Variants in PCDHA1 observed in about 807,000 individuals in gnomAD.
PCDHA1 encodes the protein protocadherin alpha-1.
Under a neutral mutation model 61.3 loss-of-function variants are expected in PCDHA1, and 42 were observed. That is an observed-to-expected ratio of 0.69 (90% CI 0.54 to 0.89). PCDHA1 has a LOEUF of 0.89. PCDHA1 is among the 40% of genes least tolerant of loss of function. The pLI is 0.00. For missense variants in PCDHA1, 1,256 were observed against 1,235.3 expected (o/e 1.02, Z -0.25); for synonymous variants, 610 against 553.8 (o/e 1.10, Z -1.43).
chr5:140,929,022 C>T (rs17844367), intron 1 of PCDHA1: 4 of 1,614,172 alleles, frequency 2.5e-6, no homozygotes, highest in Admixed American at 3.3e-5. Context: ...TGCACCAGAG[C>T]CCAGGCTGTT....
At chr5:141,003,938 G>A (rs1195315346) in intron 3 of PCDHA1, among the ~76,000 whole-genome samples, 1 of 152,178 alleles carries the variant, frequency 6.6e-6, no homozygotes, top group Non-Finnish European at 1.5e-5. Flanking sequence ...GTCTTTGCCT[G>A]AGGGTGAGCT....
At chr5:140,803,037 G>A (rs782532560) in intron 1 of PCDHA1, 2 of 1,614,034 alleles carry the variant, frequency 1.2e-6, no homozygotes, top group East Asian at 4.5e-5. Flanking sequence ...GCTGCAGCCT[G>A]GGACCGGCGG....
At chr5:140,966,955 C>T in intron 1 of PCDHA1, 1 of 1,602,734 alleles carries the variant, frequency 6.2e-7, no homozygotes, top group East Asian at 2.2e-5. Context: ...ACGTGGCTCG[C>T]GCGCTGGGGC....
intron 1 of PCDHA1, among the ~76,000 whole-genome samples, chr5:140,925,953 C>T (rs1438087673): frequency 1.3e-5 from 2 of 152,090 alleles, no homozygotes; most frequent in Non-Finnish European, 2.9e-5. Context: ...GAAGGAGAAA[C>T]TGCTATCACG....
At chr5:140,859,421 T>A in intron 1 of PCDHA1, 1 of 232,516 alleles carries the variant, frequency 4.3e-6, no homozygotes, top group Non-Finnish European at 8.1e-6. Flanking sequence ...TGATATAGAC[T>A]CAGAAATGAA....
chr5:140,818,677 A>G lies in PCDHA1; in HGVS notation c.2394+29993A>G, dbSNP rs2150102036. 2.6e-5 allele frequency among the ~76,000 whole-genome samples: 4 copies of G among 152,324 alleles called. No homozygotes were observed. In the East Asian group the frequency reaches 7.7e-4, roughly 29 times the overall value. On this transcript the variant is annotated intron_variant, in intron 1 of 3. Transcript: ENST00000504120. ...TATAGGGAGACTCCATCTTTACAAA[A>G]AATGAAAAAAATTAGCTAGATGTGG...
chr5:140,926,813 T>C, intron 1 of PCDHA1: 1 of 1,463,920 alleles, frequency 6.8e-7, no homozygotes, highest in East Asian at 2.5e-5. Flanking sequence ...CCGCGGCTCG[T>C]GCTCTCCAGG....
rs782417854 is a variant in PCDHA1 at position 140,967,777 on chromosome 5, G to T, written c.2395-11172G>T. On this transcript the variant is annotated intron_variant, in intron 1 of 3. Transcript: ENST00000504120. The stretch of plus-strand genomic sequence containing the variant: ...CCTCCTACCAGATCTATGTGCAGGC[G>T]ACTGACCGGGGTCCAGTGCCCATGG... 2.5e-6 allele frequency: 4 copies of T among 1,614,186 alleles called. No individual in the cohort carries two copies. The South Asian group carries it at 4.4e-5, about 18-fold the overall frequency.
At chr5:140,846,834 G>C (rs1780700950) in intron 1 of PCDHA1, among the ~76,000 whole-genome samples, 1 of 149,596 alleles carries the variant, frequency 6.7e-6, no homozygotes, top group Non-Finnish European at 1.5e-5. Flanking sequence ...AAGAATATGA[G>C]TCACACAATG....
At position 140,850,006 on chromosome 5, in the gene PCDHA1, T is replaced by A. The variant is rs2150463121; in HGVS notation, c.2394+61322T>A. On this transcript the variant is annotated intron_variant, in intron 1 of 3. Coordinates refer to ENST00000504120, the MANE Select transcript of PCDHA1 (RefSeq NM_018900.4). ...GAGCGGCGGTTGGGCGAGCGCTCGC[T>A]GTCGAGCTACGTGTCAGTGCACGCG... is the stretch of plus-strand genomic sequence containing the variant. The A allele has an allele frequency of 2.5e-6, 4 of 1,596,854 alleles. No homozygotes were observed. In the African/African-American group the frequency reaches 5.4e-5, roughly 21 times the overall value.
intron 2 of PCDHA1, among the ~76,000 whole-genome samples, chr5:140,979,710 A>C (rs1178718053): frequency 1.3e-5 from 2 of 152,268 alleles, no homozygotes; most frequent in African/African-American, 4.8e-5. Flanking sequence ...GAGGTGATCC[A>C]GTATCCATGC....
intron 1 of PCDHA1, chr5:140,856,539 A>G (rs782181557): frequency 1.3e-6 from 2 of 1,598,342 alleles, no homozygotes; most frequent in South Asian, 2.2e-5. Context: ...GTTGGAGAGA[A>G]CGCATTGCTT....
intron 1 of PCDHA1, among the ~76,000 whole-genome samples, chr5:140,872,820 T>C (rs1233972983): frequency 6.6e-6 from 1 of 152,216 alleles, no homozygotes; most frequent in African/African-American, 2.4e-5. Flanking sequence ...TTCAGATTCA[T>C]CTAGCAGAGA....
At chr5:140,999,321 A>G (rs1043394227) in intron 3 of PCDHA1, among the ~76,000 whole-genome samples, 32 of 152,198 alleles carry the variant, frequency 2.1e-4, no homozygotes, top group Non-Finnish European at 3.2e-4. Context: ...ACAGACATTG[A>G]TCTGTGTGAT....
chr5:140,798,493 C>T (rs1012247063), intron 1 of PCDHA1, among the ~76,000 whole-genome samples: 1 of 152,142 alleles, frequency 6.6e-6, no homozygotes, highest in Non-Finnish European at 1.5e-5. Flanking sequence ...GGAGACTACC[C>T]AGTCTTTATG....
At position 140,858,191 on chromosome 5, in the gene PCDHA1, C is replaced by T. The variant is rs782250673; in HGVS notation, c.2394+69507C>T. On this transcript the variant is annotated intron_variant, in intron 1 of 3. Transcript: ENST00000504120. ...CAGCTTGCTGGTGCTCACGCTGCTG[C>T]TGTACACTGCACTGAGGTGCTCGGC... 16 of 1,597,324 alleles carry T rather than the reference C, an allele frequency of 1.0e-5. 2 individuals carry two copies. In the Admixed American group the frequency reaches 2.7e-4, roughly 27 times the overall value.
chr5:140,870,366 A>G, intron 1 of PCDHA1: 1 of 1,613,926 alleles, frequency 6.2e-7, no homozygotes, highest in South Asian at 1.1e-5. Flanking sequence ...GGGCCTATGA[A>G]CTGGTGGTGA....
chr5:140,823,533 G>C, intron 1 of PCDHA1: 1 of 1,613,766 alleles, frequency 6.2e-7, no homozygotes, highest in Non-Finnish European at 8.5e-7. Context: ...CAGTGGGTGC[G>C]GGCCACGTGG....
chr5:140,825,846 T>C (rs1768735970), intron 1 of PCDHA1: 1 of 152,436 alleles, frequency 6.6e-6, no homozygotes, highest in Non-Finnish European at 1.5e-5. Flanking sequence ...TATACCATGA[T>C]ACAAACTCCC....
Sources: gnomAD v4.1 joint callset for allele counts (sites outside exome capture counted in the v4.1 genomes callset) on GRCh38, gnomAD v4.1.1 for gene constraint, MANE v1.5 for transcripts, NCBI Gene and HGNC (gene_info 2026-07-23, HGNC 2026-07-21) for gene names.